The following PTPRD variants were observed in gnomAD, a reference collection of about 807,000 sequenced individuals.
The protein encoded by PTPRD is receptor-type tyrosine-protein phosphatase delta.
A neutral mutation model predicts 214.5 loss-of-function variants in PTPRD; 34 were observed. The observed-to-expected ratio is 0.16, with a 90% CI of 0.12 to 0.21. The LOEUF (loss-of-function observed/expected upper bound fraction) is 0.21, where lower values mean the gene tolerates loss of function less well. Among genes scored for constraint, PTPRD ranks in the 10% least tolerant of loss-of-function variants. The pLI is 1.00. For synonymous variants in PTPRD, 1,128 were observed against 845.7 expected, an observed-to-expected ratio of 1.33 and a Z score of -5.79; for missense variants, 2,545 against 2,398.7, an observed-to-expected ratio of 1.06 and a Z score of -1.27.
At chr9:10,549,904 T>C (rs939554490) in intron 2 of PTPRD, among the ~76,000 whole-genome samples, 1 of 152,148 alleles carries the variant, frequency 6.6e-6, no homozygotes, top group African/African-American at 2.4e-5. Context: ...CTTCTATCAT[T>C]CCTCAAAATT....
At chr9:10,237,985 ACATTGTT>A in intron 3 of PTPRD, among the ~76,000 whole-genome samples, 1 of 151,860 alleles carries the variant, frequency 6.6e-6, no homozygotes, top group Non-Finnish European at 1.5e-5. Flanking sequence ...GGCATTTGCA[ACATTGTT>A]ACCTATTAAT....
At chr9:9,284,731 G>A (rs1219935112) in intron 9 of PTPRD, among the ~76,000 whole-genome samples, 1 of 151,734 alleles carries the variant, frequency 6.6e-6, no homozygotes, top group African/African-American at 2.4e-5. Flanking sequence ...TGGTGCAATG[G>A]AAAAGAACAT....
intron 11 of PTPRD, among the ~76,000 whole-genome samples, chr9:8,935,267 A>T (rs185606616): frequency 4.0e-4 from 61 of 152,342 alleles, no homozygotes; most frequent in African/African-American, 1.4e-3. Context: ...TGCAGAATAC[A>T]AAATCAGTAT....
chr9:9,487,436 AC>A (rs1315448366), intron 8 of PTPRD, among the ~76,000 whole-genome samples: 5 of 152,126 alleles, frequency 3.3e-5, no homozygotes, highest in Non-Finnish European at 2.9e-5. Context: ...TATATGTGCC[AC>A]ATTTTCTTAA....
intron 8 of PTPRD, among the ~76,000 whole-genome samples, chr9:9,485,530 G>A (rs2095592927): frequency 6.6e-6 from 1 of 151,962 alleles, no homozygotes; most frequent in South Asian, 2.1e-4. Flanking sequence ...AATATTCACT[G>A]CATTTTTTCC....
At chr9:9,856,070 G>A (rs753786037) in intron 5 of PTPRD, among the ~76,000 whole-genome samples, 3 of 152,184 alleles carry the variant, frequency 2.0e-5, no homozygotes, top group African/African-American at 4.8e-5. Context: ...GTGGCCCTCA[G>A]TGGGAAGGGG....
intron 35 of PTPRD, among the ~76,000 whole-genome samples, chr9:8,435,884 C>T (rs1162739061): frequency 6.6e-6 from 1 of 152,158 alleles, no homozygotes; most frequent in Non-Finnish European, 1.5e-5. Flanking sequence ...TTAATATTAG[C>T]TCTAGCATTA....
chr9:8,885,219 C>G (rs914654945), intron 11 of PTPRD, among the ~76,000 whole-genome samples: 1 of 152,148 alleles, frequency 6.6e-6, no homozygotes, highest in Non-Finnish European at 1.5e-5. Context: ...CACCATTCTG[C>G]AGTAAAACTC....
At chr9:8,879,653 A>G (rs902029567) in intron 11 of PTPRD, among the ~76,000 whole-genome samples, 3 of 152,188 alleles carry the variant, frequency 2.0e-5, no homozygotes, top group African/African-American at 7.2e-5. Flanking sequence ...AGGGAAGAAT[A>G]CTATTTAATT....
At chr9:10,325,302 C>G (rs998641938) in intron 3 of PTPRD, among the ~76,000 whole-genome samples, 1 of 151,972 alleles carries the variant, frequency 6.6e-6, no homozygotes, top group Non-Finnish European at 1.5e-5. Context: ...CCTAGTTATA[C>G]AGTAGGCAAT....
chr9:9,480,513 T>C (rs890316200), intron 8 of PTPRD, among the ~76,000 whole-genome samples: 2 of 151,946 alleles, frequency 1.3e-5, no homozygotes, highest in African/African-American at 4.8e-5. Context: ...ACCAAGAAAA[T>C]GGTGAAACAT....
At chr9:10,412,757 C>T (rs1404136551) in intron 2 of PTPRD, among the ~76,000 whole-genome samples, 1 of 151,662 alleles carries the variant, frequency 6.6e-6, no homozygotes, top group Non-Finnish European at 1.5e-5. Flanking sequence ...AAAAGCTTAT[C>T]CACAACGATC....
chr9:9,672,266 A>G (rs563202722), intron 7 of PTPRD, among the ~76,000 whole-genome samples: 14 of 152,296 alleles, frequency 9.2e-5, no homozygotes, highest in Admixed American at 3.9e-4. Context: ...TCTAAAGACT[A>G]TTTTTAATAA....
At chr9:9,911,616 A>C (rs931353878) in intron 5 of PTPRD, among the ~76,000 whole-genome samples, 3 of 152,120 alleles carry the variant, frequency 2.0e-5, no homozygotes, top group Non-Finnish European at 4.4e-5. Context: ...AATAATTTGC[A>C]TTTTATCAGA....
At chr9:10,407,295 GATGA>G (rs1221787405) in intron 2 of PTPRD, among the ~76,000 whole-genome samples, 19 of 151,568 alleles carry the variant, frequency 1.3e-4, no homozygotes, top group African/African-American at 4.6e-4. Context: ...GTGATAATTG[GATGA>G]ATGTTATATA....
chr9:9,541,132 A>G (rs1204945875), intron 8 of PTPRD, among the ~76,000 whole-genome samples: 2 of 151,788 alleles, frequency 1.3e-5, no homozygotes, highest in Non-Finnish European at 2.9e-5. Flanking sequence ...AAAAATTACT[A>G]TGGTGGCTCA....
chr9:9,169,256 T>C (rs949818297), intron 10 of PTPRD, among the ~76,000 whole-genome samples: 1 of 152,098 alleles, frequency 6.6e-6, no homozygotes, highest in Non-Finnish European at 1.5e-5. Flanking sequence ...ACAGGTAATA[T>C]ATATAAAGGT....
intron 3 of PTPRD, among the ~76,000 whole-genome samples, chr9:10,187,022 G>C (rs1192390390): frequency 6.6e-6 from 1 of 152,138 alleles, no homozygotes; most frequent in South Asian, 2.1e-4. Flanking sequence ...TAACAGGAGA[G>C]AAAAGGTATT....
intron 9 of PTPRD, among the ~76,000 whole-genome samples, chr9:9,265,803 A>G (rs1939240459): frequency 6.6e-6 from 1 of 151,510 alleles, no homozygotes; most frequent in African/African-American, 2.4e-5. Context: ...AAAAAAAAAT[A>G]AAGAAAGGAA....
Sources: allele counts gnomAD v4.1 joint callset (sites outside exome capture counted in the v4.1 genomes callset), GRCh38; gene constraint gnomAD v4.1.1; transcripts MANE v1.5; gene names NCBI Gene and HGNC (gene_info 2026-07-23, HGNC 2026-07-21).